Variants in SOX13 observed in about 807,000 individuals in gnomAD.
SOX13 encodes SRY-box transcription factor 13.
SOX13 carries 28 observed loss-of-function variants against 71.8 expected under a neutral mutation model. The observed-to-expected ratio is 0.39, with a 90% CI of 0.29 to 0.53. SOX13 has a LOEUF of 0.53. Ranked by LOEUF, SOX13 falls within the 20% of genes least tolerant of loss-of-function variation. The pLI, the probability that SOX13 is intolerant of heterozygous loss-of-function variation, is 0.70. For synonymous variants in SOX13, 309 were observed against 317.8 expected (o/e 0.97, Z 0.29); for missense variants, 627 against 810.3 (o/e 0.77, Z 2.75).
intron 1 of SOX13, among the ~76,000 whole-genome samples, chr1:204,109,313 T>C (rs895165405): frequency 2.6e-5 from 4 of 152,232 alleles, no homozygotes; most frequent in Non-Finnish European, 5.9e-5. Flanking sequence ...CAAATACACA[T>C]GCACTCATGC....
chr1:204,080,232 C>G (rs903869785), intron 1 of SOX13, among the ~76,000 whole-genome samples: 1 of 152,180 alleles, frequency 6.6e-6, no homozygotes, highest in Non-Finnish European at 1.5e-5. Flanking sequence ...CAGCGGTGGC[C>G]TTAGCATTTA....
chr1:204,101,133 G>T (rs912385098), intron 1 of SOX13, among the ~76,000 whole-genome samples: 2 of 152,330 alleles, frequency 1.3e-5, no homozygotes, highest in East Asian at 3.9e-4. Context: ...AACACTGCCT[G>T]GTGGCTTTCT....
At chr1:204,115,491 TTAA>T (rs1171590963) in intron 4 of SOX13, among the ~76,000 whole-genome samples, 31 of 95,872 alleles carry the variant, frequency 3.2e-4, no homozygotes, top group Non-Finnish European at 4.5e-4. Flanking sequence ...TTTTTTTTTT[TTAA>T]AAAAAAAAAA....
At chr1:204,090,376 C>T (rs1028794760) in intron 1 of SOX13, among the ~76,000 whole-genome samples, 18 of 151,576 alleles carry the variant, frequency 1.2e-4, no homozygotes, top group Non-Finnish European at 2.4e-4. Context: ...TTGACTGCCT[C>T]CTCCCTGACT....
At chr1:204,098,206 G>A (rs1429409618) in intron 1 of SOX13, among the ~76,000 whole-genome samples, 5 of 152,146 alleles carry the variant, frequency 3.3e-5, no homozygotes, top group South Asian at 4.1e-4. Context: ...GGCTGAACAC[G>A]GTGGCTCATG....
intron 1 of SOX13, among the ~76,000 whole-genome samples, chr1:204,091,711 T>C (rs1656148089): frequency 6.8e-6 from 1 of 147,910 alleles, no homozygotes; most frequent in African/African-American, 2.5e-5. Context: ...AGAACTTTTT[T>C]CGTTTTCTTT....
At position 204,114,619 on chromosome 1, in the gene SOX13, G is replaced by C. The variant is rs370008171; in HGVS notation, c.418+14G>C. 1.7e-4 allele frequency: 269 copies of C among 1,592,596 alleles called. No individual in the cohort carries two copies. Among genetic ancestry groups the C allele is most frequent in the Non-Finnish European group, 2.2e-4 (252 of 1,160,458 alleles). Reference sequence around the variant, plus strand: ...AAGATGTCAAAGGTGAAGGCCTGTTGGGGGTGGGGGAGATGTTTGAACCCC... The same window carrying C: ...AAGATGTCAAAGGTGAAGGCCTGTTCGGGGTGGGGGAGATGTTTGAACCCC... On this transcript the variant is annotated intron_variant, in intron 4 of 13. Coordinates refer to ENST00000367204, the MANE Select transcript of SOX13 (RefSeq NM_005686.3).
chr1:204,093,312 A>G (rs1656183449), intron 1 of SOX13, among the ~76,000 whole-genome samples: 2 of 152,230 alleles, frequency 1.3e-5, no homozygotes, highest in South Asian at 4.1e-4. Flanking sequence ...GGACAGTTCT[A>G]CACTACACAG....
rs1302454478 is a variant in SOX13, at chr1:204,113,104, T to C, written c.189T>C (p.Ala63=). 1 of 1,577,636 alleles carries C rather than the reference T, an allele frequency of 6.3e-7. No individual in the cohort carries two copies. Among genetic ancestry groups the C allele is most frequent in the East Asian group, 2.3e-5 (1 of 42,886 alleles). ...RASQDSADPQ[A]PAQGNFRGSW... ...CCCAGGATAGTGCTGACCCCCAAGC[T>C]CCAGCCCAGGGGAATTTCAGGGGCT... is the stretch of plus-strand genomic sequence containing the variant. Residue 63 remains alanine (A), a synonymous_variant, in exon 2 of 14, where the codon GCT becomes GCC. Transcript: ENST00000367204.
chr1:204,108,178 T>G (rs61029411), intron 1 of SOX13, among the ~76,000 whole-genome samples: 34,385 of 152,116 alleles, frequency 0.23, 5,956 homozygotes, highest in African/African-American at 0.49. Context: ...ATAGGTGAAA[T>G]GAATTTTAAT....
intron 1 of SOX13, among the ~76,000 whole-genome samples, chr1:204,107,889 GCCCTA>G (rs950154390): frequency 6.6e-6 from 1 of 152,214 alleles, no homozygotes; most frequent in Non-Finnish European, 1.5e-5. Flanking sequence ...TGGGCACCCA[GCCCTA>G]GTGAACAGAC....
Position 204,126,139 on chromosome 1 carries a change from G to A in SOX13, c.*5G>A, listed in dbSNP as rs766083069. On this transcript the variant is annotated 3_prime_UTR_variant, in exon 14 of 14. Transcript: ENST00000367204. ...TTGGTGGTGCTCACAGACTGATCCC[G>A]GCTGGGTGGGCCTGGCCCCTTCTCC... 1.1e-5 allele frequency: 18 copies of A among 1,612,192 alleles called. No homozygotes were observed. Among genetic ancestry groups the A allele is most frequent in the South Asian group, 5.5e-5 (5 of 90,972 alleles).
At chr1:204,101,003 C>T (rs1656350559) in intron 1 of SOX13, among the ~76,000 whole-genome samples, 1 of 152,206 alleles carries the variant, frequency 6.6e-6, no homozygotes, top group African/African-American at 2.4e-5. Flanking sequence ...CTTAGGGAGC[C>T]CCTAGACCTT....
At chr1:204,097,968 C>G (rs1188988537) in intron 1 of SOX13, among the ~76,000 whole-genome samples, 2 of 152,038 alleles carry the variant, frequency 1.3e-5, no homozygotes, top group Admixed American at 6.6e-5. Context: ...AAGTGATCCT[C>G]TCATCTCAGC....
chr1:204,093,896 A>T (rs927058300), intron 1 of SOX13, among the ~76,000 whole-genome samples: 25 of 152,318 alleles, frequency 1.6e-4, no homozygotes, highest in African/African-American at 5.8e-4. Flanking sequence ...CAACTCGAAC[A>T]TGGAAATCAG....
intron 12 of SOX13, 118 bp from the exon 13 acceptor site, chr1:204,124,523 G>A (rs1218707086): frequency 3.8e-6 from 3 of 799,020 alleles, no homozygotes; most frequent in Admixed American, 4.9e-5. Context: ...CTAAGTGCTT[G>A]CACATATATT....
Position 204,125,876 on chromosome 1 carries a change from G to A in SOX13, c.1611G>A (p.Val537=). 6.2e-7 allele frequency: 1 copy of A among 1,611,862 alleles called. No individual in the cohort carries two copies. The highest frequency in any genetic ancestry group is 8.5e-7 in the Non-Finnish European group (1 of 1,179,562). The change falls in exon 14 of 14, where the codon GTG becomes GTA. Residue 537 remains valine, a synonymous_variant. Coordinates refer to ENST00000367204, the MANE Select transcript of SOX13 (RefSeq NM_005686.3). ...CCCACAGCCCGCAGGCTGGCCAGGT[G>A]CAGATGAGCTCCTCAGATGTCCTGT... The part of the protein sequence containing the change: ...SYVIPPQAGQ[V]QMSSSDVLYP...
At chr1:204,104,776 C>G (rs1160048741) in intron 1 of SOX13, among the ~76,000 whole-genome samples, 1 of 152,198 alleles carries the variant, frequency 6.6e-6, no homozygotes, top group Non-Finnish European at 1.5e-5. Flanking sequence ...ACCCCAGGGT[C>G]TGAGTCACCC....
intron 1 of SOX13, among the ~76,000 whole-genome samples, chr1:204,094,554 C>T (rs571448672): frequency 6.6e-6 from 1 of 152,142 alleles, no homozygotes; most frequent in Non-Finnish European, 1.5e-5. Context: ...TGGCCCAATG[C>T]GGGCAGAGAG....
Sources: allele counts gnomAD v4.1 joint callset (sites outside exome capture counted in the v4.1 genomes callset), GRCh38; gene constraint gnomAD v4.1.1; transcripts MANE v1.5; gene names NCBI Gene and HGNC (gene_info 2026-07-23, HGNC 2026-07-21).